Variants in GRIK1 observed in about 807,000 individuals in gnomAD.
GRIK1 encodes glutamate ionotropic receptor kainate type subunit 1.
A neutral mutation model predicts 105.7 loss-of-function variants in GRIK1; 69 were observed. The observed-to-expected ratio is 0.65, with a 90% CI of 0.54 to 0.80. The LOEUF (loss-of-function observed/expected upper bound fraction) is 0.80. Ranked by LOEUF, GRIK1 falls within the 30% of genes least tolerant of loss-of-function variation. The pLI, the probability that GRIK1 is intolerant of heterozygous loss-of-function variation, is 0.00. For synonymous variants in GRIK1, 438 were observed against 431.3 expected (o/e 1.02, Z -0.19); for missense variants, 1,109 against 1,167.3 (o/e 0.95, Z 0.73).
intron 14 of GRIK1, among the ~76,000 whole-genome samples, chr21:29,565,575 G>A (rs1410016142): frequency 7.8e-6 from 1 of 128,458 alleles, no homozygotes; most frequent in Non-Finnish European, 1.8e-5. Context: ...TGGGATTACA[G>A]GCACCTGCTA....
intron 10 of GRIK1, among the ~76,000 whole-genome samples, chr21:29,589,746 A>G (rs911311816): frequency 6.6e-6 from 1 of 152,034 alleles, no homozygotes; most frequent in African/African-American, 2.4e-5. Context: ...TAAGAACCTC[A>G]TGACAGAGAA....
At position 29,707,454 on chromosome 21, in the gene GRIK1, C is replaced by CCTTCCTTCCTT. The variant is rs1601500614; in HGVS notation, c.119-13392_119-13391insAAGGAAGGAAG. On this transcript the variant is annotated intron_variant, in intron 1 of 17. Transcript: ENST00000327783. ...TTCCTCCCTCCCTCCCTCCCTCCCT[C>CCTTCCTTCCTT]CCTCCCTCCCTCCCTCCCTCTCTCT... Among the ~76,000 whole-genome samples, 59 of 88,540 alleles carry CCTTCCTTCCTT rather than the reference C, an allele frequency of 6.7e-4. 4 individuals carry two copies. The highest frequency in any genetic ancestry group is 2.1e-3 in the East Asian group (5 of 2,426). The allele number at this position is 88,540 out of a possible 152,430, so 58.1% of individuals were successfully genotyped here. A position where few individuals can be genotyped will look rare whatever the true frequency, so the allele number is the denominator to read the frequency against.
At chr21:29,927,873 A>AAAAAAC (rs935851029) in intron 1 of GRIK1, among the ~76,000 whole-genome samples, 1 of 152,166 alleles carries the variant, frequency 6.6e-6, no homozygotes, top group Non-Finnish European at 1.5e-5. Flanking sequence ...TCCGTCTCAA[A>AAAAAAC]AAAAACAAAA....
Position 29,846,365 on chromosome 21 carries a change from G to T in GRIK1, c.118+93018C>A, listed in dbSNP as rs560753810. Among the ~76,000 whole-genome samples the T allele has an allele frequency of 4.1e-5, 6 of 147,426 alleles. No homozygotes were observed. The East Asian group carries it at 1.2e-3, about 29-fold the overall frequency. On this transcript the variant is annotated intron_variant, in intron 1 of 17. Transcript: ENST00000327783. ...ATCACACCATTACACTCCAGCTTGGGCAACAAGAGAGAAACTCAGTCAAAA... is the reference window on the plus strand; with the variant it reads ...ATCACACCATTACACTCCAGCTTGGTCAACAAGAGAGAAACTCAGTCAAAA...
intron 3 of GRIK1, among the ~76,000 whole-genome samples, chr21:29,689,157 T>C (rs2063538070): frequency 6.6e-6 from 1 of 151,976 alleles, no homozygotes; most frequent in Non-Finnish European, 1.5e-5. Flanking sequence ...TCAGAGATAG[T>C]GGCTGATGAG....
chr21:29,541,575 C>CTTATTTTTTTTTTTTTTTTTTTTTT (rs2089971102), intron 16 of GRIK1, among the ~76,000 whole-genome samples: 1 of 96,006 alleles, frequency 1.0e-5, no homozygotes, highest in Admixed American at 1.2e-4. Flanking sequence ...CACTCACGGT[C>CTTATTTTTTTTTTTTTTTTTTTTTT]TTTTTTTTTT....
intron 1 of GRIK1, among the ~76,000 whole-genome samples, chr21:29,745,760 G>A (rs1445661067): frequency 1.3e-5 from 2 of 152,254 alleles, no homozygotes; most frequent in East Asian, 3.9e-4. Context: ...ATATTGTATG[G>A]TAAATTAGCC....
intron 1 of GRIK1, among the ~76,000 whole-genome samples, chr21:29,856,915 A>G (rs1227868449): frequency 6.6e-6 from 1 of 152,136 alleles, no homozygotes. Context: ...TAAATTTGTT[A>G]TATTTGAGGA....
intron 1 of GRIK1, among the ~76,000 whole-genome samples, chr21:29,780,772 A>G (rs934050567): frequency 1.3e-5 from 2 of 152,200 alleles, no homozygotes; most frequent in African/African-American, 4.8e-5. Context: ...TCTTTATAGT[A>G]TATTTCAATA....
chr21:29,640,562 C>T (rs975778430), intron 7 of GRIK1, among the ~76,000 whole-genome samples: 1 of 152,028 alleles, frequency 6.6e-6, no homozygotes, highest in Non-Finnish European at 1.5e-5. Flanking sequence ...ATATAAAATG[C>T]CTTCTTATTT....
chr21:29,620,806 G>GATAT (rs780994882), intron 7 of GRIK1, among the ~76,000 whole-genome samples: 2 of 105,232 alleles, frequency 1.9e-5, no homozygotes, highest in African/African-American at 1.0e-4. Flanking sequence ...TATATATATA[G>GATAT]ATATATATAT....
chr21:29,746,354 C>T (rs1355935863), intron 1 of GRIK1, among the ~76,000 whole-genome samples: 2 of 152,166 alleles, frequency 1.3e-5, no homozygotes, highest in African/African-American at 4.8e-5. Context: ...AAACACAAAG[C>T]TGGGTAAAAC....
chr21:29,910,650 A>G (rs985664305), intron 1 of GRIK1, among the ~76,000 whole-genome samples: 7 of 152,166 alleles, frequency 4.6e-5, no homozygotes, highest in Non-Finnish European at 1.0e-4. Flanking sequence ...AATAAAAATT[A>G]ACCTTTCTTG....
At chr21:29,905,432 T>C (rs1211992440) in intron 1 of GRIK1, among the ~76,000 whole-genome samples, 2 of 149,254 alleles carry the variant, frequency 1.3e-5, no homozygotes, top group African/African-American at 4.9e-5. Flanking sequence ...ATTATATATA[T>C]TTTAATTTTT....
chr21:29,683,494 G>A (rs2063421488), intron 3 of GRIK1, among the ~76,000 whole-genome samples: 1 of 152,190 alleles, frequency 6.6e-6, no homozygotes, highest in African/African-American at 2.4e-5. Flanking sequence ...TGCAGCTGGA[G>A]GCCGTTATCC....
At chr21:29,935,192 T>C (rs2071706307) in intron 1 of GRIK1, among the ~76,000 whole-genome samples, 1 of 152,162 alleles carries the variant, frequency 6.6e-6, no homozygotes, top group South Asian at 2.1e-4. Context: ...GCAACTGATG[T>C]AATAGATCAG....
At chr21:29,571,284 G>C in intron 14 of GRIK1, among the ~76,000 whole-genome samples, 1 of 151,784 alleles carries the variant, frequency 6.6e-6, no homozygotes, top group East Asian at 1.9e-4. Flanking sequence ...TTGAACTCAG[G>C]AGGCAGAGGT....
intron 1 of GRIK1, among the ~76,000 whole-genome samples, chr21:29,821,970 A>C (rs2067318773): frequency 6.6e-6 from 1 of 152,032 alleles, no homozygotes; most frequent in South Asian, 2.1e-4. Context: ...TATATTGAAA[A>C]AATATTTGCA....
chr21:29,605,758 T>G (rs1183880293), intron 7 of GRIK1, among the ~76,000 whole-genome samples: 3 of 152,166 alleles, frequency 2.0e-5, no homozygotes, highest in East Asian at 1.9e-4. Context: ...TGTAAAAGAA[T>G]GTAAATCCTC....
Sources: gnomAD v4.1 joint callset for allele counts (sites outside exome capture counted in the v4.1 genomes callset) on GRCh38, gnomAD v4.1.1 for gene constraint, MANE v1.5 for transcripts, NCBI Gene and HGNC (gene_info 2026-07-23, HGNC 2026-07-21) for gene names.